The following ADK variants were observed in gnomAD, a reference collection of about 807,000 sequenced individuals.
The protein encoded by ADK is adenosine kinase, also known as N6,N6-dimethyladenosine kinase.
ADK carries 24 observed loss-of-function variants against 44.7 expected under a neutral mutation model. The ratio of observed to expected loss-of-function variants is 0.54; its 90% CI spans 0.39 to 0.76. The LOEUF (loss-of-function observed/expected upper bound fraction) is 0.76, where lower values mean the gene tolerates loss of function less well. ADK is among the 30% of genes least tolerant of loss of function. The pLI, the probability that ADK is intolerant of heterozygous loss-of-function variation, is 0.00. For synonymous variants in ADK, 128 were observed against 142.6 expected (o/e 0.90, Z 0.73); for missense variants, 321 against 425.1 (o/e 0.76, Z 2.15).
chr10:74,683,215 C>T (rs918181352), intron 10 of ADK, among the ~76,000 whole-genome samples: 1 of 152,160 alleles, frequency 6.6e-6, no homozygotes, highest in South Asian at 2.1e-4. Context: ...AACCTGTGAA[C>T]ATCTAAGTAA....
intron 10 of ADK, among the ~76,000 whole-genome samples, chr10:74,674,923 C>T (rs1369858630): frequency 2.0e-5 from 3 of 152,134 alleles, no homozygotes; most frequent in African/African-American, 4.8e-5. Context: ...TTGTCGTTGA[C>T]TCCTTCCACC....
At chr10:74,344,202 T>G (rs1841682191) in intron 4 of ADK, among the ~76,000 whole-genome samples, 1 of 152,208 alleles carries the variant, frequency 6.6e-6, no homozygotes, top group African/African-American at 2.4e-5. Flanking sequence ...TAACATGAAT[T>G]GGGAGATGTC....
chr10:74,568,346 G>C (rs929686099), intron 7 of ADK, among the ~76,000 whole-genome samples: 3 of 151,904 alleles, frequency 2.0e-5, no homozygotes, highest in Admixed American at 6.6e-5. Flanking sequence ...TTTATTGCAA[G>C]TACAGTCAGC....
chr10:74,505,622 T>C (rs1848042575), intron 6 of ADK, among the ~76,000 whole-genome samples: 2 of 152,240 alleles, frequency 1.3e-5, no homozygotes, highest in South Asian at 4.2e-4. Context: ...ACACAGTTTT[T>C]CTCTAGCATC....
intron 7 of ADK, among the ~76,000 whole-genome samples, chr10:74,562,462 A>C (rs77721209): frequency 6.3e-4 from 96 of 152,330 alleles, no homozygotes; most frequent in African/African-American, 2.3e-3. Context: ...GGATGGGTGC[A>C]AACACTTTCA....
intron 6 of ADK, chr10:74,506,326 T>C: frequency 3.7e-6 from 1 of 269,366 alleles, no homozygotes; most frequent in Admixed American, 4.2e-5. Context: ...GACCTCAATC[T>C]ACGGTACATA....
intron 1 of ADK, among the ~76,000 whole-genome samples, chr10:74,185,551 G>A (rs1387962310): frequency 6.7e-6 from 1 of 149,100 alleles, no homozygotes; most frequent in Admixed American, 6.7e-5. Context: ...CAGAGTCGTC[G>A]GCCGGGCGCG....
At chr10:74,703,844 G>A (rs1030360010) in intron 10 of ADK, among the ~76,000 whole-genome samples, 1 of 152,124 alleles carries the variant, frequency 6.6e-6, no homozygotes. Flanking sequence ...CTCTCAAATA[G>A]TTCAGGGAAA....
chr10:74,514,493 C>G (rs1442168339), intron 6 of ADK, among the ~76,000 whole-genome samples: 1 of 151,586 alleles, frequency 6.6e-6, no homozygotes, highest in East Asian at 1.9e-4. Context: ...TTCAAAAGAT[C>G]ATTCTTCAAG....
chr10:74,429,416 A>G (rs935508142), intron 6 of ADK, among the ~76,000 whole-genome samples: 1 of 152,238 alleles, frequency 6.6e-6, no homozygotes, highest in Admixed American at 6.5e-5. Flanking sequence ...AATTTTAAGA[A>G]TTAATTCTGA....
intron 6 of ADK, among the ~76,000 whole-genome samples, chr10:74,403,705 C>T (rs776525389): frequency 3.3e-5 from 5 of 152,126 alleles, no homozygotes; most frequent in East Asian, 1.9e-4. Context: ...CCAGGTGAAG[C>T]GATGCCCCGC....
intron 6 of ADK, among the ~76,000 whole-genome samples, chr10:74,500,025 C>G (rs1327693015): frequency 6.6e-6 from 1 of 152,172 alleles, no homozygotes; most frequent in Admixed American, 6.5e-5. Flanking sequence ...TTAATTTCAT[C>G]TGCAAAATGA....
chr10:74,505,215 T>G (rs903081178), intron 6 of ADK, among the ~76,000 whole-genome samples: 2 of 152,212 alleles, frequency 1.3e-5, no homozygotes, highest in African/African-American at 4.8e-5. Flanking sequence ...CTAAAAATGT[T>G]TCTATATGGC....
At position 74,350,821 on chromosome 10, in the gene ADK, ATGGATACATTCC is replaced by A. The variant is rs549988094; in HGVS notation, c.273+36093_273+36104del. Among the ~76,000 whole-genome samples, 574 of 152,286 alleles carry A rather than the reference ATGGATACATTCC, an allele frequency of 3.8e-3. 3 individuals are homozygous for A. The highest frequency in any genetic ancestry group is 8.7e-3 in the African/African-American group (362 of 41,558). ...AAATAAACCAGAAAATCTAGAAGAA[ATGGATACATTCC>A]TGGATACATTCCTGGACACATACAC... On this transcript the variant is annotated intron_variant, in intron 4 of 10. Transcript: ENST00000539909.
chr10:74,345,122 A>C (rs1371004881), intron 4 of ADK, among the ~76,000 whole-genome samples: 1 of 152,130 alleles, frequency 6.6e-6, no homozygotes, highest in Non-Finnish European at 1.5e-5. Context: ...TTACTAATTT[A>C]ATCTCTTGTT....
intron 3 of ADK, among the ~76,000 whole-genome samples, chr10:74,270,557 C>T (rs1846391668): frequency 6.6e-6 from 1 of 152,122 alleles, no homozygotes; most frequent in Non-Finnish European, 1.5e-5. Context: ...GCCACTGCAC[C>T]CAGCAAAGCA....
chr10:74,400,040 A>C (rs1472265100), intron 6 of ADK, among the ~76,000 whole-genome samples: 1 of 152,102 alleles, frequency 6.6e-6, no homozygotes, highest in Non-Finnish European at 1.5e-5. Flanking sequence ...TTTAGCATTT[A>C]TGCACTATAT....
intron 7 of ADK, among the ~76,000 whole-genome samples, chr10:74,531,477 C>T (rs1192177077): frequency 6.6e-5 from 10 of 152,128 alleles, no homozygotes; most frequent in Non-Finnish European, 1.2e-4. Flanking sequence ...AGTTAAAACC[C>T]TTGCTACAAA....
chr10:74,302,105 G>GTTT (rs1840065150), intron 3 of ADK, among the ~76,000 whole-genome samples: 5 of 88,924 alleles, frequency 5.6e-5, no homozygotes, highest in African/African-American at 1.6e-4. Context: ...TTTTTTGTTT[G>GTTT]TTTGTTTTTT....
Sources: allele counts gnomAD v4.1 joint callset (sites outside exome capture counted in the v4.1 genomes callset), GRCh38; gene constraint gnomAD v4.1.1; transcripts MANE v1.5; gene names NCBI Gene and HGNC (gene_info 2026-07-23, HGNC 2026-07-21).